The following TRPM3 variants were observed in gnomAD, a reference collection of about 807,000 sequenced individuals.
TRPM3 encodes the protein transient receptor potential cation channel subfamily M member 3.
In TRPM3, 77 loss-of-function variants were observed where a neutral mutation model predicts 181.2. That is an observed-to-expected ratio of 0.42 (90% CI 0.35 to 0.51). The LOEUF is 0.51. TRPM3 is among the 20% of genes least tolerant of loss of function. TRPM3 has a pLI of 0.01. For synonymous variants in TRPM3, 745 were observed against 796.4 expected, an observed-to-expected ratio of 0.94 and a Z score of 1.09; for missense variants, 1,759 against 2,196.7, an observed-to-expected ratio of 0.80 and a Z score of 3.98.
chr9:70,921,865 C>T (rs1025628205), intron 1 of TRPM3, among the ~76,000 whole-genome samples: 2 of 150,958 alleles, frequency 1.3e-5, no homozygotes, highest in African/African-American at 4.9e-5. Context: ...CATGAATTAG[C>T]TTAGAAGAAG....
intron 1 of TRPM3, among the ~76,000 whole-genome samples, chr9:71,415,203 A>G (rs1289024165): frequency 6.6e-6 from 1 of 152,044 alleles, no homozygotes; most frequent in Non-Finnish European, 1.5e-5. Context: ...TGGAAAAGAC[A>G]AGGAACAGAT....
intron 1 of TRPM3, among the ~76,000 whole-genome samples, chr9:71,397,769 GA>G (rs1380111069): frequency 2.1e-5 from 3 of 140,276 alleles, no homozygotes; most frequent in African/African-American, 8.0e-5. Context: ...ATCAGAAAAA[GA>G]AAAAGAAAAA....
intron 1 of TRPM3, among the ~76,000 whole-genome samples, chr9:70,886,153 C>G (rs1333285182): frequency 6.6e-6 from 1 of 152,120 alleles, no homozygotes; most frequent in Non-Finnish European, 1.5e-5. Flanking sequence ...TCTGTAAGAA[C>G]AAGTGACACA....
chr9:70,876,055 T>C (rs1267705350), intron 1 of TRPM3, among the ~76,000 whole-genome samples: 1 of 151,782 alleles, frequency 6.6e-6, no homozygotes, highest in African/African-American at 2.4e-5. Flanking sequence ...GGTAAAAATA[T>C]CATAAGCTAG....
At chr9:71,066,599 T>C (rs780433865) in intron 1 of TRPM3, among the ~76,000 whole-genome samples, 7 of 152,204 alleles carry the variant, frequency 4.6e-5, no homozygotes, top group Non-Finnish European at 1.0e-4. Flanking sequence ...TGGTCTTATA[T>C]ACAGAGTGGG....
At chr9:71,071,330 T>C (rs946189129) in intron 1 of TRPM3, among the ~76,000 whole-genome samples, 2 of 152,216 alleles carry the variant, frequency 1.3e-5, no homozygotes, top group Admixed American at 1.3e-4. Context: ...TTTGAGGCAC[T>C]GTATTTGGGA....
chr9:71,373,435 A>G (rs528798921), intron 1 of TRPM3, among the ~76,000 whole-genome samples: 88 of 152,334 alleles, frequency 5.8e-4, no homozygotes, highest in African/African-American at 2.0e-3. Flanking sequence ...ATCAGAACTG[A>G]TAAGGGGGAT....
chr9:71,210,097 C>G (rs1353833466), intron 1 of TRPM3, among the ~76,000 whole-genome samples: 13 of 152,186 alleles, frequency 8.5e-5, no homozygotes. Flanking sequence ...GTATTTACAG[C>G]CACTCCCCAT....
At chr9:71,201,790 C>T (rs553047056) in intron 1 of TRPM3, among the ~76,000 whole-genome samples, 1 of 152,124 alleles carries the variant, frequency 6.6e-6, no homozygotes, top group Admixed American at 6.5e-5. Context: ...TCCTGTAGCT[C>T]GGAATAGTTT....
intron 1 of TRPM3, among the ~76,000 whole-genome samples, chr9:71,216,031 TA>T (rs2079844704): frequency 6.6e-6 from 1 of 152,184 alleles, no homozygotes; most frequent in African/African-American, 2.4e-5. Flanking sequence ...AAAGATTTAG[TA>T]TATGTCTATT....
chr9:70,676,626 G>A (rs188183221), intron 9 of TRPM3, among the ~76,000 whole-genome samples: 2 of 152,220 alleles, frequency 1.3e-5, no homozygotes, highest in African/African-American at 4.8e-5. Flanking sequence ...GGGGTTAGCG[G>A]ACCTCCCTAA....
intron 1 of TRPM3, among the ~76,000 whole-genome samples, chr9:71,249,117 G>A (rs1565383216): frequency 1.3e-5 from 2 of 152,106 alleles, no homozygotes; most frequent in African/African-American, 2.4e-5. Flanking sequence ...CTCATCTGGA[G>A]GATCTTTAAA....
chr9:70,953,769 A>G (rs1374217402), intron 1 of TRPM3, among the ~76,000 whole-genome samples: 1 of 152,132 alleles, frequency 6.6e-6, no homozygotes, highest in Non-Finnish European at 1.5e-5. Flanking sequence ...AACTCATGTT[A>G]CCTAAACAAG....
chr9:71,196,307 G>T (rs1173304525), intron 1 of TRPM3, among the ~76,000 whole-genome samples: 3 of 150,154 alleles, frequency 2.0e-5, no homozygotes, highest in Non-Finnish European at 4.4e-5. Context: ...TGAAGTTATG[G>T]CCAAAAAAAG....
chr9:70,950,131 T>C (rs1269421142), intron 1 of TRPM3, among the ~76,000 whole-genome samples: 1 of 152,210 alleles, frequency 6.6e-6, no homozygotes, highest in Non-Finnish European at 1.5e-5. Flanking sequence ...GTAAAGTCTG[T>C]ATAGTATTGC....
chr9:70,763,363 T>C (rs146229037), intron 7 of TRPM3, among the ~76,000 whole-genome samples: 205 of 152,074 alleles, frequency 1.3e-3, no homozygotes, highest in Middle Eastern at 3.4e-3. Context: ...TTTAAAAAGT[T>C]AGTTGGGCAT....
chr9:71,241,726 T>C (rs1737850528), intron 1 of TRPM3, among the ~76,000 whole-genome samples: 1 of 152,202 alleles, frequency 6.6e-6, no homozygotes, highest in Non-Finnish European at 1.5e-5. Flanking sequence ...AACATATTAA[T>C]GCTTCATAAG....
chr9:71,134,568 G>C (rs1285376731), intron 1 of TRPM3, among the ~76,000 whole-genome samples: 1 of 121,330 alleles, frequency 8.2e-6, no homozygotes, highest in Non-Finnish European at 1.8e-5. Flanking sequence ...AAAAAAAAAG[G>C]AAAAAAAATT....
intron 1 of TRPM3, among the ~76,000 whole-genome samples, chr9:71,130,591 A>C (rs2074309110): frequency 6.6e-6 from 1 of 152,238 alleles, no homozygotes; most frequent in Non-Finnish European, 1.5e-5. Flanking sequence ...TTAAGTTAGA[A>C]AATGAAGGTA....
Sources: gnomAD v4.1 joint callset for allele counts (sites outside exome capture counted in the v4.1 genomes callset) on GRCh38, gnomAD v4.1.1 for gene constraint, MANE v1.5 for transcripts, NCBI Gene and HGNC (gene_info 2026-07-23, HGNC 2026-07-21) for gene names.